The following ATP10B variants were observed in gnomAD, a reference collection of about 807,000 sequenced individuals.
ATP10B encodes the protein phospholipid-transporting ATPase VB.
In ATP10B, 122 loss-of-function variants were observed where a neutral mutation model predicts 141.2. That is an observed-to-expected ratio of 0.86 (90% confidence interval 0.75 to 1.00). ATP10B has a LOEUF of 1.00. Among genes scored for constraint, ATP10B ranks in the 50% least tolerant of loss-of-function variants. The pLI is 0.00. For missense variants in ATP10B, 1,876 were observed against 1,825.3 expected (o/e 1.03, Z -0.51); for synonymous variants, 685 against 692.0 (o/e 0.99, Z 0.16).
the ATP10B span, among the ~76,000 whole-genome samples, chr5:160,909,862 G>A: frequency 1.6e-4 from 24 of 152,260 alleles, no homozygotes; most frequent in Middle Eastern, 3.4e-3. Flanking sequence ...TCTGCTGACC[G>A]ACATGGAAGC....
rs1462714102 is a variant in ATP10B at position 160,632,285 on chromosome 5, T to C, written c.1464A>G (p.Arg488=). ...TQYQCLSFSA[R]WAQDPATMRS... ...TCATAGTTGCTGGATCCTGGGCCCA[T>C]CTAGCCGAGAAGGACAGGCATTGGT... Residue 488 remains arginine (R), a synonymous_variant, in exon 13 of 26, where the codon AGA becomes AGG. Transcript: ENST00000327245. 7 of 1,614,170 alleles carry C rather than the reference T, an allele frequency of 4.3e-6. No homozygotes were observed. Among genetic ancestry groups the C allele is most frequent in the Non-Finnish European group, 5.9e-6 (7 of 1,180,024 alleles).
intron 13 of ATP10B, among the ~76,000 whole-genome samples, chr5:160,622,790 G>T (rs1758422492): frequency 1.3e-5 from 2 of 152,140 alleles, no homozygotes; most frequent in South Asian, 4.1e-4. Context: ...ATTACCAGAT[G>T]CTGACAGTTC....
chr5:160,914,665 G>A, the ATP10B span, among the ~76,000 whole-genome samples: 1 of 152,124 alleles, frequency 6.6e-6, no homozygotes, highest in Non-Finnish European at 1.5e-5. Flanking sequence ...TATGTAGAGG[G>A]CTGATTGGAC....
the ATP10B span, among the ~76,000 whole-genome samples, chr5:160,894,178 A>G: frequency 8.5e-5 from 13 of 152,162 alleles, no homozygotes; most frequent in East Asian, 1.7e-3. Context: ...CAAGGGAACA[A>G]AAGTGGTTGG....
chr5:160,607,664 G>T (rs938810790), intron 18 of ATP10B, among the ~76,000 whole-genome samples: 4 of 152,192 alleles, frequency 2.6e-5, no homozygotes, highest in African/African-American at 9.7e-5. Context: ...CATGAAGGGT[G>T]CTAAGAACTG....
chr5:160,673,344 C>G (rs1581327352), intron 6 of ATP10B, among the ~76,000 whole-genome samples: 1 of 152,112 alleles, frequency 6.6e-6, no homozygotes, highest in East Asian at 1.9e-4. Context: ...TGCTTTCGTA[C>G]AGGCATGCAA....
At chr5:160,803,095 T>A (rs1772502856) in intron 1 of ATP10B, among the ~76,000 whole-genome samples, 1 of 152,190 alleles carries the variant, frequency 6.6e-6, no homozygotes, top group Non-Finnish European at 1.5e-5. Context: ...GTTGGCTCAC[T>A]TGGCATGGTG....
intron 23 of ATP10B, 125 bp downstream of exon 23, chr5:160,590,934 C>T: frequency 1.4e-6 from 1 of 728,940 alleles, no homozygotes; most frequent in Non-Finnish European, 2.3e-6. Flanking sequence ...ATGTAACCTG[C>T]AGGCTACCTG....
At chr5:160,856,187 A>G (rs1378401587), upstream of ATP10B, among the ~76,000 whole-genome samples, 1 of 151,874 alleles carries the variant, frequency 6.6e-6, no homozygotes, top group Non-Finnish European at 1.5e-5. Context: ...TACTATTTGA[A>G]TAGTCCAATC....
chr5:160,832,852 C>A (rs781146875), intron 1 of ATP10B, among the ~76,000 whole-genome samples: 7 of 152,110 alleles, frequency 4.6e-5, no homozygotes, highest in Non-Finnish European at 7.4e-5. Flanking sequence ...TAAGGAGAAA[C>A]AAGCCCAATT....
chr5:160,602,492 T>C, intron 21 of ATP10B, 85 bp downstream of exon 21: 1 of 1,572,750 alleles, frequency 6.4e-7, no homozygotes, highest in Non-Finnish European at 8.7e-7. Flanking sequence ...TATGCTGAGG[T>C]GCTTTGCCCA....
intron 1 of ATP10B, among the ~76,000 whole-genome samples, chr5:160,788,044 C>T (rs1290604839): frequency 6.6e-6 from 1 of 152,132 alleles, no homozygotes; most frequent in African/African-American, 2.4e-5. Flanking sequence ...AGAGGTCATA[C>T]ATTCACCTTC....
At position 160,565,619 on chromosome 5, in the gene ATP10B, C is replaced by T. The variant is rs373905684; in HGVS notation, c.4220G>A (p.Cys1407Tyr). 3.2e-5 allele frequency: 51 copies of T among 1,614,020 alleles called. No homozygotes were observed. The highest frequency in any genetic ancestry group is 1.6e-4 in the Middle Eastern group (1 of 6,082). The change falls in exon 26 of 26, where the codon TGC becomes TAC. Residue 1407 changes from cysteine to tyrosine, a missense_variant. Physicochemically the swap from Cys to Tyr is radical, Grantham distance 194. Transcript: ENST00000327245. ...CCCTGAGCATGAGTCATCCCTCATG[C>T]ACTCCGTGCCACATCTCTGTTCGTG... is the stretch of plus-strand genomic sequence containing the variant. ...VLHEQRCGTE[C>Y]MRDDSCSGDS...
At chr5:160,826,860 A>G (rs1774642517) in intron 1 of ATP10B, among the ~76,000 whole-genome samples, 1 of 152,134 alleles carries the variant, frequency 6.6e-6, no homozygotes, top group Admixed American at 6.5e-5. Flanking sequence ...CAGGCTTACT[A>G]GGATTGGGAA....
At chr5:160,791,648 C>G (rs1250840683) in intron 1 of ATP10B, among the ~76,000 whole-genome samples, 3 of 152,168 alleles carry the variant, frequency 2.0e-5, no homozygotes, top group African/African-American at 2.4e-5. Context: ...CAATTACAGG[C>G]AGCAGGATGA....
chr5:160,812,263 C>T (rs1379958281), intron 1 of ATP10B, among the ~76,000 whole-genome samples: 2 of 152,196 alleles, frequency 1.3e-5, no homozygotes, highest in South Asian at 4.2e-4. Flanking sequence ...CAAGTTCTTC[C>T]AAATACCTGA....
At chr5:160,784,072 C>T (rs946146948) in intron 2 of ATP10B, among the ~76,000 whole-genome samples, 30 of 152,072 alleles carry the variant, frequency 2.0e-4, no homozygotes, top group African/African-American at 7.2e-4. Context: ...CTCAAAGCTT[C>T]GAAGCCCAAG....
intron 1 of ATP10B, among the ~76,000 whole-genome samples, chr5:160,786,927 C>T (rs1267116200): frequency 6.6e-6 from 1 of 152,014 alleles, no homozygotes; most frequent in Admixed American, 6.6e-5. Context: ...GTCTTGTCCC[C>T]CTGATTTTGG....
At chr5:160,844,703 G>A (rs535544629) in intron 1 of ATP10B, among the ~76,000 whole-genome samples, 24 of 152,034 alleles carry the variant, frequency 1.6e-4, no homozygotes, top group Admixed American at 1.2e-3. Flanking sequence ...GCACCAACAT[G>A]TCCTGATAAT....
Sources: gnomAD v4.1 joint callset for allele counts (sites outside exome capture counted in the v4.1 genomes callset) on GRCh38, gnomAD v4.1.1 for gene constraint, MANE v1.5 for transcripts, NCBI Gene and HGNC (gene_info 2026-07-23, HGNC 2026-07-21) for gene names.